PDE1C: variants seen among roughly 807,000 people sequenced by gnomAD.
PDE1C encodes phosphodiesterase 1C.
In PDE1C, 62 loss-of-function variants were observed where a neutral mutation model predicts 93.1. The observed-to-expected ratio is 0.67, with a 90% CI of 0.54 to 0.82. The LOEUF (loss-of-function observed/expected upper bound fraction) is 0.82, where lower values mean the gene tolerates loss of function less well. Among genes scored for constraint, PDE1C ranks in the 40% least tolerant of loss-of-function variants. The probability of loss-of-function intolerance (pLI) is 0.00; values close to 1 mark genes in which losing one functional copy is unlikely to be tolerated. For synonymous variants in PDE1C, 325 were observed against 310.1 expected, an observed-to-expected ratio of 1.05 and a Z score of -0.50; for missense variants, 742 against 884.6, an observed-to-expected ratio of 0.84 and a Z score of 2.04.
the PDE1C span, among the ~76,000 whole-genome samples, chr7:31,694,387 A>AACACACACACACACACACACACACACAC: frequency 6.3e-4 from 89 of 141,672 alleles, 1 homozygote; most frequent in South Asian, 1.6e-3. Context: ...CTCTCTCTCA[A>AACACACACACACACACACACACACACAC]ACACACACAC....
chr7:32,385,460 C>T (rs1263451584), intron 1 of PDE1C, among the ~76,000 whole-genome samples: 2 of 152,126 alleles, frequency 1.3e-5, no homozygotes, highest in African/African-American at 4.8e-5. Context: ...TCAGGGTGTT[C>T]CTTGGCACTC....
intron 3 of PDE1C, among the ~76,000 whole-genome samples, chr7:32,141,720 A>T (rs1584842996): frequency 6.6e-6 from 1 of 152,186 alleles, no homozygotes; most frequent in African/African-American, 2.4e-5. Flanking sequence ...ATCCTAGAAC[A>T]AAAAAAGGAC....
intron 2 of PDE1C, among the ~76,000 whole-genome samples, chr7:32,186,118 C>T (rs1463226233): frequency 7.8e-6 from 1 of 127,582 alleles, no homozygotes; most frequent in Non-Finnish European, 1.6e-5. Context: ...TTTTTTGAGA[C>T]GGAGTCTCGC....
At chr7:31,966,467 T>G (rs564276708) in intron 2 of PDE1C, among the ~76,000 whole-genome samples, 65 of 152,224 alleles carry the variant, frequency 4.3e-4, no homozygotes, top group Admixed American at 9.8e-4. Flanking sequence ...AGCAAGTCCT[T>G]AGTGACCTAC....
chr7:32,113,331 A>C lies in PDE1C; in HGVS notation c.308+56454T>G, dbSNP rs557689210. Among the ~76,000 whole-genome samples, 127 of 144,708 alleles carry C rather than the reference A, an allele frequency of 8.8e-4. 1 individual carries two copies. Among genetic ancestry groups the C allele is most frequent in the South Asian group, 4.7e-3 (22 of 4,658 alleles). 94.9% of individuals were successfully genotyped at this position (144,708 alleles called of 152,430 possible). On this transcript the variant is annotated intron_variant, in intron 3 of 18. Coordinates refer to the PDE1C transcript ENST00000396193. ...TTACATATATAAATATTATATATAT[A>C]TATCTATCTCAATTTCTGGGCTCTT...
Position 31,824,887 on chromosome 7 carries a change from C to A in PDE1C, c.1386G>T (p.Gly462=), listed in dbSNP as rs764984067. Residue 462 remains glycine (G), a synonymous_variant, in exon 13 of 18, where the codon GGG becomes GGT. Transcript: ENST00000396191. ...PLIDETSQTG[G]TGQRRSSLNS... ...CTGACCTCGAACGCCTCTGTCCTGTCCCACCAGTTTGAGAGGTTTCATCGA... is the reference window on the plus strand; with the variant it reads ...CTGACCTCGAACGCCTCTGTCCTGTACCACCAGTTTGAGAGGTTTCATCGA... 1.2e-6 allele frequency: 2 copies of A among 1,613,274 alleles called. No homozygotes were observed. The highest frequency in any genetic ancestry group is 2.2e-5 in the South Asian group (2 of 91,042).
intron 1 of PDE1C, among the ~76,000 whole-genome samples, chr7:32,316,302 A>G (rs1234355854): frequency 6.6e-6 from 1 of 152,194 alleles, no homozygotes; most frequent in African/African-American, 2.4e-5. Flanking sequence ...TTCTCCATAC[A>G]TCAGTATGAG....
intron 1 of PDE1C, among the ~76,000 whole-genome samples, chr7:32,065,821 T>C (rs1795334047): frequency 1.3e-5 from 2 of 152,356 alleles, no homozygotes; most frequent in South Asian, 4.1e-4. Context: ...TTAACTTCTC[T>C]GTACATCAAT....
At chr7:31,786,554 T>C (rs1280325739) in intron 16 of PDE1C, 1 of 152,208 alleles carries the variant, frequency 6.6e-6, no homozygotes, top group Non-Finnish European at 1.5e-5. Context: ...GGAATTCAGT[T>C]AGACGATTTT....
Position 31,753,315 on chromosome 7 carries a change from C to T in PDE1C, c.*69G>A. 6.4e-7 allele frequency: 1 copy of T among 1,558,304 alleles called. No homozygotes were observed. Among genetic ancestry groups the T allele is most frequent in the Non-Finnish European group, 8.7e-7 (1 of 1,151,668 alleles). On this transcript the variant is annotated 3_prime_UTR_variant, in exon 18 of 18. Coordinates refer to ENST00000396191, the MANE Select transcript of PDE1C (RefSeq NM_001191057.4). ...CCAAGGGTCTTGGAGGTGTGTCCTG[C>T]TGTGGCCAGTGGGTGCTGAGAAGCA... is the stretch of plus-strand genomic sequence containing the variant.
At chr7:31,742,805 GCTCA>G in the PDE1C span, among the ~76,000 whole-genome samples, 2 of 152,152 alleles carry the variant, frequency 1.3e-5, no homozygotes, top group Admixed American at 1.3e-4. Context: ...CAATCAAACT[GCTCA>G]CTGTGTGTCT....
chr7:31,948,626 TG>T (rs769230799), intron 2 of PDE1C, among the ~76,000 whole-genome samples: 2 of 152,170 alleles, frequency 1.3e-5, no homozygotes, highest in Non-Finnish European at 2.9e-5. Context: ...TAATTGTCCC[TG>T]TCATTGATGT....
At chr7:32,417,754 T>C in intron 1 of PDE1C, among the ~76,000 whole-genome samples, 1 of 151,972 alleles carries the variant, frequency 6.6e-6, no homozygotes, top group Non-Finnish European at 1.5e-5. Flanking sequence ...TGTATTAAGA[T>C]GATGATCTTT....
At chr7:31,896,369 A>G (rs570221588) in intron 2 of PDE1C, among the ~76,000 whole-genome samples, 47 of 152,214 alleles carry the variant, frequency 3.1e-4, no homozygotes, top group Non-Finnish European at 5.7e-4. Flanking sequence ...ATTTATTACC[A>G]GAAATAAAGA....
At chr7:32,376,685 A>T (rs1289549327) in intron 1 of PDE1C, among the ~76,000 whole-genome samples, 1 of 151,794 alleles carries the variant, frequency 6.6e-6, no homozygotes, top group African/African-American at 2.4e-5. Flanking sequence ...CAATAGTATG[A>T]TTTCCCCTTT....
chr7:32,209,554 G>A (rs1253936656), intron 1 of PDE1C: 3 of 1,537,482 alleles, frequency 2.0e-6, no homozygotes, highest in South Asian at 1.2e-5. Context: ...AAAAAAAAAA[G>A]AGGATGCAAT....
intron 14 of PDE1C, chr7:31,820,746 AGCT>A (rs1788856432): frequency 6.6e-6 from 1 of 152,170 alleles, no homozygotes; most frequent in African/African-American, 2.4e-5. Flanking sequence ...AGCATTACTG[AGCT>A]GCTAAGAATG....
At chr7:31,991,364 G>A (rs1250663247) in intron 2 of PDE1C, among the ~76,000 whole-genome samples, 2 of 152,220 alleles carry the variant, frequency 1.3e-5, no homozygotes, top group Non-Finnish European at 2.9e-5. Context: ...TAGGGACAGA[G>A]TCAAGCAATG....
chr7:31,783,516 C>CA (rs1783612492), intron 16 of PDE1C: 1 of 151,834 alleles, frequency 6.6e-6, no homozygotes, highest in South Asian at 2.1e-4. Flanking sequence ...TTCATTTTTC[C>CA]AATTCCAATT....
Sources: gnomAD v4.1 joint callset for allele counts (sites outside exome capture counted in the v4.1 genomes callset) on GRCh38, gnomAD v4.1.1 for gene constraint, MANE v1.5 for transcripts, NCBI Gene and HGNC (gene_info 2026-07-23, HGNC 2026-07-21) for gene names.